Variants in ATP2B2 observed in about 807,000 individuals in gnomAD.
ATP2B2 encodes the protein ATPase plasma membrane Ca2+ transporting 2, also known as plasma membrane calcium-transporting ATPase 2.
Under a neutral mutation model 120.0 loss-of-function variants are expected in ATP2B2, and 15 were observed. The observed-to-expected ratio is 0.12, with a 90% confidence interval of 0.08 to 0.19. ATP2B2 has a LOEUF of 0.19. ATP2B2 is among the 10% of genes least tolerant of loss of function. The pLI is 1.00. For missense variants in ATP2B2, 1,045 were observed against 1,719.8 expected, an observed-to-expected ratio of 0.61 and a Z score of 6.94; for synonymous variants, 694 against 700.3, an observed-to-expected ratio of 0.99 and a Z score of 0.14.
rs1467200307 is a variant in ATP2B2 at position 10,442,961 on chromosome 3, C to T, written c.199+6384G>A. ...CAGTTAGATAACTGGTCCAACGTCC[C>T]ACAGCTGGATAAGAAGTGGTGCCAG... On this transcript the variant is annotated intron_variant, in intron 2 of 22. Coordinates refer to ENST00000360273, the MANE Select transcript of ATP2B2 (RefSeq NM_001001331.4). 2.6e-5 allele frequency among the ~76,000 whole-genome samples: 4 copies of T among 152,310 alleles called. No homozygotes were observed. In the East Asian group the frequency reaches 5.8e-4, roughly 22 times the overall value.
chr3:10,557,617 G>A (rs1243554751), intron 2 of ATP2B2, among the ~76,000 whole-genome samples: 1 of 152,234 alleles, frequency 6.6e-6, no homozygotes, highest in Admixed American at 6.5e-5. Flanking sequence ...TTTAGGCAGG[G>A]ACTGCAGGGC....
intron 12 of ATP2B2, among the ~76,000 whole-genome samples, chr3:10,362,762 T>C (rs1273636227): frequency 1.3e-5 from 2 of 152,248 alleles, no homozygotes; most frequent in East Asian, 3.8e-4. Context: ...AGAGGAATAT[T>C]TGACACAGCT....
Position 10,328,491 on chromosome 3 carries a change from C to T in ATP2B2, c.*323G>A, listed in dbSNP as rs768841837. 6.3e-5 allele frequency: 23 copies of T among 364,306 alleles called. No homozygotes were observed. Among genetic ancestry groups the T allele is most frequent in the Admixed American group, 4.4e-5 (1 of 22,878 alleles). The allele number at this position is 364,306 out of a possible 1,614,324, so 22.6% of individuals were successfully genotyped here. ...ATTGAAAGTGTACAGTACATTCATG[C>T]GGGGGACGTGGTGGCTGGGCGGGTG... On this transcript the variant is annotated 3_prime_UTR_variant, in exon 23 of 23. Coordinates refer to ENST00000360273, the MANE Select transcript of ATP2B2 (RefSeq NM_001001331.4).
chr3:10,590,477 G>A (rs985987692), intron 2 of ATP2B2, among the ~76,000 whole-genome samples: 4 of 152,218 alleles, frequency 2.6e-5, no homozygotes, highest in African/African-American at 4.8e-5. Flanking sequence ...CAGCCTCGCT[G>A]AAGGCTCCAG....
chr3:10,577,543 G>A (rs574453201), intron 2 of ATP2B2, among the ~76,000 whole-genome samples: 2 of 152,306 alleles, frequency 1.3e-5, no homozygotes, highest in South Asian at 2.1e-4. Flanking sequence ...GTCTCCTGAA[G>A]CTCCATCATC....
intron 3 of ATP2B2, among the ~76,000 whole-genome samples, chr3:10,533,607 C>T (rs2067253197): frequency 6.6e-6 from 1 of 152,230 alleles, no homozygotes; most frequent in African/African-American, 2.4e-5. Context: ...TCCAACGCTT[C>T]ATGTGCAGGC....
intron 1 of ATP2B2, among the ~76,000 whole-genome samples, chr3:10,634,067 C>T (rs778935493): frequency 2.4e-4 from 37 of 152,302 alleles, no homozygotes; most frequent in Middle Eastern, 6.8e-3. Context: ...TAACTTTGGA[C>T]GCTTCCCTGT....
chr3:10,575,170 A>T (rs543764746), intron 2 of ATP2B2, among the ~76,000 whole-genome samples: 1 of 152,088 alleles, frequency 6.6e-6, no homozygotes. Flanking sequence ...AGGTTCCCCA[A>T]CCCCTCCTCC....
intron 2 of ATP2B2, among the ~76,000 whole-genome samples, chr3:10,601,423 G>A (rs1575544047): frequency 6.6e-6 from 1 of 152,144 alleles, no homozygotes; most frequent in Non-Finnish European, 1.5e-5. Context: ...GGCCTTGCCT[G>A]AGTCAGAGGC....
chr3:10,412,496 C>G (rs757921823), intron 2 of ATP2B2, among the ~76,000 whole-genome samples: 21 of 152,168 alleles, frequency 1.4e-4, no homozygotes, highest in Non-Finnish European at 2.6e-4. Flanking sequence ...TCCTGTCACA[C>G]CCCCAGGCCT....
intron 1 of ATP2B2, among the ~76,000 whole-genome samples, chr3:10,472,225 G>A (rs2065044643): frequency 2.0e-5 from 3 of 152,224 alleles, no homozygotes; most frequent in Non-Finnish European, 4.4e-5. Flanking sequence ...AGGCCCGGAG[G>A]AAAGAGTGAG....
At position 10,355,849 on chromosome 3, in the gene ATP2B2, GGA is replaced by G. The variant is rs2060705265; in HGVS notation, c.2136+2840_2136+2841del. Reference sequence around the variant, plus strand: ...AGCACTTTGGGAGGCCGAGGCGGGCGGATCACGAGGTCAGGAGATCGAGACCA... The same window carrying G: ...AGCACTTTGGGAGGCCGAGGCGGGCGTCACGAGGTCAGGAGATCGAGACCA... On this transcript the variant is annotated intron_variant, in intron 14 of 22. Coordinates refer to ENST00000360273, the MANE Select transcript of ATP2B2 (RefSeq NM_001001331.4). Among the ~76,000 whole-genome samples, 7 of 38,052 alleles carry G rather than the reference GGA, an allele frequency of 1.8e-4. 1 individual carries two copies. Among genetic ancestry groups the G allele is most frequent in the African/African-American group, 4.5e-4 (5 of 11,054 alleles). The allele number at this position is 38,052 out of a possible 152,430, so 25.0% of individuals were successfully genotyped here.
intron 14 of ATP2B2, among the ~76,000 whole-genome samples, chr3:10,352,323 T>C (rs1436321805): frequency 6.6e-6 from 1 of 152,234 alleles, no homozygotes; most frequent in Non-Finnish European, 1.5e-5. Context: ...ACCAGTGACC[T>C]GCCTGAGTGT....
At chr3:10,359,006 G>C in intron 13 of ATP2B2, 81 bp from the exon 14 acceptor site, 1 of 1,333,822 alleles carries the variant, frequency 7.5e-7, no homozygotes, top group Non-Finnish European at 1.0e-6. Flanking sequence ...CCACCCTCGT[G>C]ATGCCCAGCT....
At chr3:10,542,316 A>G (rs1171396906) in intron 2 of ATP2B2, among the ~76,000 whole-genome samples, 1 of 152,140 alleles carries the variant, frequency 6.6e-6, no homozygotes, top group Non-Finnish European at 1.5e-5. Flanking sequence ...TTCTTTCTGT[A>G]TATATTTAGA....
chr3:10,623,442 T>A (rs1057334222), intron 1 of ATP2B2, among the ~76,000 whole-genome samples: 1 of 152,058 alleles, frequency 6.6e-6, no homozygotes, highest in Non-Finnish European at 1.5e-5. Context: ...CTAGTGAGGA[T>A]CTCACACAGC....
rs549468244 is a variant in ATP2B2, at chr3:10,635,661, C to A, written c.-459-15700G>T. Among the ~76,000 whole-genome samples, 1 of 152,166 alleles carries A rather than the reference C, an allele frequency of 6.6e-6. No homozygotes were observed. Among genetic ancestry groups the A allele is most frequent in the African/African-American group, 2.4e-5 (1 of 41,418 alleles). On this transcript the variant is annotated intron_variant, in intron 1 of 21. Coordinates refer to the ATP2B2 transcript ENST00000646379. The surrounding 1 kb of genome is among the most constrained non-coding windows in gnomAD (Gnocchi z 4.3). ...CACCTCCCAGGTAGCATTTTGCACGCGACAAGGACGCAGCATCCTCAGGCC... is the reference window on the plus strand; with the variant it reads ...CACCTCCCAGGTAGCATTTTGCACGAGACAAGGACGCAGCATCCTCAGGCC...
chr3:10,444,095 C>G (rs2063756294), intron 2 of ATP2B2, among the ~76,000 whole-genome samples: 1 of 152,218 alleles, frequency 6.6e-6, no homozygotes, highest in Non-Finnish European at 1.5e-5. Flanking sequence ...TGACAGAGTC[C>G]TGGGCCTTAG....
intron 1 of ATP2B2, among the ~76,000 whole-genome samples, chr3:10,643,293 T>C (rs2070224882): frequency 6.6e-6 from 1 of 152,210 alleles, no homozygotes; most frequent in African/African-American, 2.4e-5. Flanking sequence ...GGAGAGCTCT[T>C]GCTTGAAGGA....
Sources: gnomAD v4.1 joint callset for allele counts (sites outside exome capture counted in the v4.1 genomes callset) on GRCh38, gnomAD v4.1.1 for gene constraint, Gnocchi (gnomAD v3.1) non-coding constraint, MANE v1.5 for transcripts, NCBI Gene and HGNC (gene_info 2026-07-23, HGNC 2026-07-21) for gene names.